Variants in THSD7A observed in about 807,000 individuals in gnomAD.
The protein encoded by THSD7A is thrombospondin type-1 domain-containing protein 7A.
Under a neutral mutation model 231.3 loss-of-function variants are expected in THSD7A, and 96 were observed. The ratio of observed to expected loss-of-function variants is 0.41; its 90% CI spans 0.35 to 0.49. The LOEUF (loss-of-function observed/expected upper bound fraction) is 0.49, where lower values mean the gene tolerates loss of function less well. Ranked by LOEUF, THSD7A falls within the 20% of genes least tolerant of loss-of-function variation. The pLI, the probability that THSD7A is intolerant of heterozygous loss-of-function variation, is 0.05. For synonymous variants in THSD7A, 940 were observed against 743.3 expected (o/e 1.26, Z -4.30); for missense variants, 2,290 against 2,070.2 (o/e 1.11, Z -2.06).
At chr7:11,623,427 A>G (rs1781381219) in intron 2 of THSD7A, among the ~76,000 whole-genome samples, 1 of 152,058 alleles carries the variant, frequency 6.6e-6, no homozygotes, top group South Asian at 2.1e-4. Flanking sequence ...CCACTAATCC[A>G]TATTATTCCT....
At chr7:11,528,391 G>A (rs757995535) in intron 6 of THSD7A, among the ~76,000 whole-genome samples, 9 of 152,026 alleles carry the variant, frequency 5.9e-5, no homozygotes, top group Non-Finnish European at 1.0e-4. Context: ...CATCCTTAAA[G>A]CGATTATTAC....
chr7:11,700,469 A>G (rs1342729512), intron 1 of THSD7A, among the ~76,000 whole-genome samples: 2 of 151,208 alleles, frequency 1.3e-5, no homozygotes, highest in African/African-American at 4.8e-5. Context: ...AAAAATTATT[A>G]ACTCATATGA....
intron 1 of THSD7A, among the ~76,000 whole-genome samples, chr7:11,798,966 A>G (rs1784204479): frequency 6.6e-6 from 1 of 151,798 alleles, no homozygotes; most frequent in Non-Finnish European, 1.5e-5. Flanking sequence ...CTCTGTCACC[A>G]GGCTGGAGTT....
At chr7:11,439,233 A>G (rs1178392764) in intron 13 of THSD7A, among the ~76,000 whole-genome samples, 2 of 152,004 alleles carry the variant, frequency 1.3e-5, no homozygotes, top group East Asian at 1.9e-4. Context: ...TAAAGAAACA[A>G]TGTAAGTATA....
chr7:11,561,737 G>A (rs2128329938), intron 4 of THSD7A, among the ~76,000 whole-genome samples: 1 of 152,222 alleles, frequency 6.6e-6, no homozygotes, highest in South Asian at 2.1e-4. Flanking sequence ...GGGCATGGTG[G>A]CACACTTGGG....
At chr7:11,743,027 G>A (rs777463932) in intron 1 of THSD7A, among the ~76,000 whole-genome samples, 4 of 151,818 alleles carry the variant, frequency 2.6e-5, no homozygotes, top group African/African-American at 4.8e-5. Context: ...CTACATCAAG[G>A]TTCATTCAGT....
intron 1 of THSD7A, among the ~76,000 whole-genome samples, chr7:11,681,489 C>G (rs1783868227): frequency 6.6e-6 from 1 of 151,796 alleles, no homozygotes; most frequent in Non-Finnish European, 1.5e-5. Flanking sequence ...TAAATTAAGC[C>G]AAGTAGAAGA....
At chr7:11,421,214 C>A (rs774769790) in intron 16 of THSD7A, among the ~76,000 whole-genome samples, 1 of 152,132 alleles carries the variant, frequency 6.6e-6, no homozygotes, top group Non-Finnish European at 1.5e-5. Flanking sequence ...CCACCCAAAT[C>A]TCATGTTGGG....
At chr7:11,764,161 C>G (rs1382787313) in intron 1 of THSD7A, among the ~76,000 whole-genome samples, 1 of 152,160 alleles carries the variant, frequency 6.6e-6, no homozygotes, top group African/African-American at 2.4e-5. Context: ...AATTAAATGA[C>G]TCACACTAAG....
intron 2 of THSD7A, among the ~76,000 whole-genome samples, chr7:11,615,183 T>C (rs1426010530): frequency 1.3e-5 from 2 of 152,178 alleles, no homozygotes; most frequent in Admixed American, 1.3e-4. Flanking sequence ...TGCAACTGCG[T>C]GCATCTTGGA....
At chr7:11,410,916 T>C (rs1783762303) in intron 19 of THSD7A, among the ~76,000 whole-genome samples, 1 of 152,034 alleles carries the variant, frequency 6.6e-6, no homozygotes, top group African/African-American at 2.4e-5. Context: ...AGTAGTCTGA[T>C]TAAAATTTAT....
chr7:11,404,947 A>AT (rs962469022), intron 22 of THSD7A, among the ~76,000 whole-genome samples: 45 of 152,170 alleles, frequency 3.0e-4, no homozygotes, highest in African/African-American at 1.1e-3. Context: ...TGCTATTCAG[A>AT]TTTTTGGTTT....
At chr7:11,536,107 G>A (rs569482834) in intron 6 of THSD7A, among the ~76,000 whole-genome samples, 1 of 152,028 alleles carries the variant, frequency 6.6e-6, no homozygotes, top group African/African-American at 2.4e-5. Context: ...GAGTCTTCAG[G>A]TTTTCCAGCC....
chr7:11,803,629 C>G (rs987841183), intron 1 of THSD7A, among the ~76,000 whole-genome samples: 1 of 152,086 alleles, frequency 6.6e-6, no homozygotes, highest in Non-Finnish European at 1.5e-5. Context: ...GCTATTGAGG[C>G]TCCTTATTTC....
At chr7:11,409,370 G>GTGTT (rs1390451627) in intron 19 of THSD7A, among the ~76,000 whole-genome samples, 2 of 152,196 alleles carry the variant, frequency 1.3e-5, no homozygotes, top group African/African-American at 4.8e-5. Flanking sequence ...CTTGAAGACA[G>GTGTT]TGTTTGCTAG....
chr7:11,538,417 CT>C (rs1367694828), intron 6 of THSD7A, among the ~76,000 whole-genome samples: 1 of 152,052 alleles, frequency 6.6e-6, no homozygotes. Flanking sequence ...AGGAATAATA[CT>C]TTTTTCCCCT....
intron 2 of THSD7A, among the ~76,000 whole-genome samples, chr7:11,615,022 G>A (rs1781058865): frequency 6.6e-6 from 1 of 152,168 alleles, no homozygotes; most frequent in South Asian, 2.1e-4. Context: ...AACTGATTAT[G>A]GCAAATTTCA....
intron 1 of THSD7A, among the ~76,000 whole-genome samples, chr7:11,812,491 A>AGGAAGGAC (rs1395410646): frequency 4.6e-5 from 7 of 152,348 alleles, no homozygotes; most frequent in Admixed American, 6.5e-5. Flanking sequence ...ACGTCACAAA[A>AGGAAGGAC]GTGAAGGAAA....
intron 7 of THSD7A, among the ~76,000 whole-genome samples, chr7:11,479,379 A>G (rs578142448): frequency 6.6e-6 from 1 of 152,352 alleles, no homozygotes; most frequent in African/African-American, 2.4e-5. Context: ...TTCCCTAGAA[A>G]ATCATATAAT....
Sources: gnomAD v4.1 joint callset for allele counts (sites outside exome capture counted in the v4.1 genomes callset) on GRCh38, gnomAD v4.1.1 for gene constraint, MANE v1.5 for transcripts, NCBI Gene and HGNC (gene_info 2026-07-23, HGNC 2026-07-21) for gene names.